The following FBXL20 variants were observed in gnomAD, a reference collection of about 807,000 sequenced individuals.
FBXL20 encodes F-box and leucine rich repeat protein 20, also known as F-box/LRR-repeat protein 20.
A neutral mutation model predicts 64.0 loss-of-function variants in FBXL20; 11 were observed. That is an observed-to-expected ratio of 0.17 (90% CI 0.11 to 0.28). The LOEUF (loss-of-function observed/expected upper bound fraction) is 0.28, where lower values mean the gene tolerates loss of function less well. Among genes scored for constraint, FBXL20 ranks in the 10% least tolerant of loss-of-function variants. The pLI is 1.00. For missense variants in FBXL20, 303 were observed against 526.2 expected (o/e 0.58, Z 4.15); for synonymous variants, 184 against 189.0 (o/e 0.97, Z 0.22).
chr17:39,282,666 A>T, intron 8 of FBXL20, 63 bp downstream of exon 8: 4 of 1,610,408 alleles, frequency 2.5e-6, no homozygotes, highest in Non-Finnish European at 3.4e-6. Flanking sequence ...GGGGCTGTCT[A>T]TAAAGAGCTC....
At chr17:39,395,752 C>T (rs963908652) in intron 1 of FBXL20, among the ~76,000 whole-genome samples, 5 of 152,128 alleles carry the variant, frequency 3.3e-5, no homozygotes, top group African/African-American at 1.2e-4. Context: ...AAATTAGATG[C>T]TAAAAGTTTT....
chr17:39,343,694 TC>T (rs1352913846), intron 1 of FBXL20, among the ~76,000 whole-genome samples: 1 of 141,936 alleles, frequency 7.0e-6, no homozygotes, highest in Admixed American at 7.0e-5. Context: ...TGGCGAAAAC[TC>T]TTTTTTTTTT....
intron 1 of FBXL20, 111 bp downstream of exon 1, chr17:39,401,250 T>G (rs1597844701): frequency 6.3e-7 from 1 of 1,583,226 alleles, no homozygotes; most frequent in Admixed American, 1.8e-5. Context: ...GCCCCGCCAG[T>G]GGGTGGGTGA....
At chr17:39,357,060 G>A (rs1470085028) in intron 1 of FBXL20, among the ~76,000 whole-genome samples, 1 of 151,258 alleles carries the variant, frequency 6.6e-6, no homozygotes, top group Admixed American at 6.6e-5. Context: ...GGATCACCGA[G>A]GTTGGGAGTT....
At chr17:39,371,173 C>A (rs1174663599) in intron 1 of FBXL20, among the ~76,000 whole-genome samples, 2 of 152,072 alleles carry the variant, frequency 1.3e-5, no homozygotes, top group Admixed American at 1.3e-4. Flanking sequence ...AGCCGTGATC[C>A]AGCCTGGGCA....
At chr17:39,271,459 G>A (rs1219498367) in intron 10 of FBXL20, among the ~76,000 whole-genome samples, 2 of 152,014 alleles carry the variant, frequency 1.3e-5, no homozygotes, top group Admixed American at 6.6e-5. Flanking sequence ...TTAGTCTGGC[G>A]TGGTGGCGGG....
At chr17:39,396,186 C>A (rs1469681082) in intron 1 of FBXL20, among the ~76,000 whole-genome samples, 2 of 151,724 alleles carry the variant, frequency 1.3e-5, no homozygotes, top group African/African-American at 2.4e-5. Flanking sequence ...AAATATGATC[C>A]TCTGCTTTTA....
intron 1 of FBXL20, among the ~76,000 whole-genome samples, chr17:39,400,897 C>A (rs528091217): frequency 6.6e-6 from 1 of 152,358 alleles, no homozygotes; most frequent in South Asian, 2.1e-4. Context: ...CTACCGTCCC[C>A]ACTTCCCTAG....
At chr17:39,348,936 C>A (rs572433126) in intron 1 of FBXL20, among the ~76,000 whole-genome samples, 1 of 152,162 alleles carries the variant, frequency 6.6e-6, no homozygotes, top group East Asian at 2.0e-4. Context: ...CTCAACAGAT[C>A]CTCCTGCCTC....
intron 6 of FBXL20, among the ~76,000 whole-genome samples, chr17:39,294,602 C>T (rs927919862): frequency 6.6e-6 from 1 of 151,994 alleles, no homozygotes; most frequent in Non-Finnish European, 1.5e-5. Context: ...TATTTCAAGG[C>T]TAATACTGTG....
chr17:39,389,662 C>CA lies in FBXL20; in HGVS notation c.42+11698dup, dbSNP rs558502603. Reference sequence around the variant, plus strand: ...TGAAACCCTGTCTCTACTAAAAATACAAAAAATTAGCCAGGTGTGGTGGCA... The same window carrying CA: ...TGAAACCCTGTCTCTACTAAAAATACAAAAAAATTAGCCAGGTGTGGTGGCA... On this transcript the variant is annotated intron_variant, in intron 1 of 14. Coordinates refer to ENST00000264658, the MANE Select transcript of FBXL20 (RefSeq NM_032875.3). 4.2e-4 allele frequency among the ~76,000 whole-genome samples: 64 copies of CA among 152,082 alleles called. No individual in the cohort carries two copies. The East Asian group carries it at 7.5e-3, about 18-fold the overall frequency.
chr17:39,297,105 T>C, intron 6 of FBXL20, 22 bp downstream of exon 6: 1 of 1,578,850 alleles, frequency 6.3e-7, no homozygotes, highest in Non-Finnish European at 8.7e-7. Context: ...TGACTTATCC[T>C]CCAAAAACAT....
intron 1 of FBXL20, among the ~76,000 whole-genome samples, chr17:39,357,323 G>A (rs186087387): frequency 3.8e-4 from 57 of 148,394 alleles, no homozygotes; most frequent in Admixed American, 1.4e-3. Context: ...AATTGCTTTA[G>A]TACCTTAATC....
At chr17:39,402,054 T>A (rs1040741253), upstream of FBXL20, 1 of 922,540 alleles carries the variant, frequency 1.1e-6, no homozygotes, top group Non-Finnish European at 1.4e-6. Context: ...GGCACGCACC[T>A]GCCTGCACAG....
intron 1 of FBXL20, among the ~76,000 whole-genome samples, chr17:39,375,635 T>C (rs953013963): frequency 2.6e-5 from 4 of 152,200 alleles, no homozygotes; most frequent in Admixed American, 6.5e-5. Flanking sequence ...ATAATACTTA[T>C]ATGTACCCCA....
chr17:39,304,980 C>A (rs1176159389), intron 2 of FBXL20, among the ~76,000 whole-genome samples: 1 of 152,052 alleles, frequency 6.6e-6, no homozygotes, highest in African/African-American at 2.4e-5. Flanking sequence ...TGGTCTCAAA[C>A]TCCTGATGTC....
At chr17:39,385,122 T>C (rs1048593182) in intron 1 of FBXL20, among the ~76,000 whole-genome samples, 2 of 152,122 alleles carry the variant, frequency 1.3e-5, no homozygotes, top group African/African-American at 2.4e-5. Context: ...CTTGGAAGAC[T>C]GAGGTGGGAG....
intron 1 of FBXL20, among the ~76,000 whole-genome samples, chr17:39,381,480 A>AG (rs1491392491): frequency 3.6e-5 from 3 of 82,998 alleles, no homozygotes; most frequent in Non-Finnish European, 6.8e-5. Context: ...ACTCTGTCTC[A>AG]AAAAAAAAAA....
chr17:39,310,798 C>A lies in FBXL20; in HGVS notation c.105-7159G>T, dbSNP rs116365865. On this transcript the variant is annotated intron_variant, in intron 2 of 14. Coordinates refer to ENST00000264658, the MANE Select transcript of FBXL20 (RefSeq NM_032875.3). ...GTCAGGAGCTCAAGACCAACCTGAT[C>A]AACATGGTGAAACCCAGTCTCTACT... 9.2e-3 allele frequency among the ~76,000 whole-genome samples: 1,394 copies of A among 152,220 alleles called. 18 individuals are homozygous for A. The highest frequency in any genetic ancestry group is 0.032 in the African/African-American group (1,317 of 41,522).
Sources: allele counts gnomAD v4.1 joint callset (sites outside exome capture counted in the v4.1 genomes callset), GRCh38; gene constraint gnomAD v4.1.1; transcripts MANE v1.5; gene names NCBI Gene and HGNC (gene_info 2026-07-23, HGNC 2026-07-21).